YPEL1: variants seen among roughly 807,000 people sequenced by gnomAD.
YPEL1 encodes the protein yippee like 1.
In YPEL1, 7 loss-of-function variants were observed where a neutral mutation model predicts 17.3. The observed-to-expected ratio is 0.40, with a 90% CI of 0.23 to 0.76. The LOEUF (loss-of-function observed/expected upper bound fraction) is 0.76. Among genes scored for constraint, YPEL1 ranks in the 30% least tolerant of loss-of-function variants. The pLI, the probability that YPEL1 is intolerant of heterozygous loss-of-function variation, is 0.35. For missense variants in YPEL1, 91 were observed against 155.5 expected (o/e 0.59, Z 2.21); for synonymous variants, 59 against 59.6 (o/e 0.99, Z 0.05).
intron 1 of YPEL1, among the ~76,000 whole-genome samples, chr22:21,731,147 G>A (rs2148615994): frequency 6.6e-6 from 1 of 152,234 alleles, no homozygotes; most frequent in African/African-American, 2.4e-5. Flanking sequence ...AGAGGCCAAG[G>A]TGGGAGGATC....
chr22:21,714,948 T>C (rs1007729871), intron 1 of YPEL1, among the ~76,000 whole-genome samples: 2 of 152,214 alleles, frequency 1.3e-5, no homozygotes, highest in African/African-American at 2.4e-5. Context: ...GTAAGTGATA[T>C]ATTCTGAAAA....
In YPEL1 at chr22:21,703,504, C is replaced by T; in HGVS notation, c.162-26G>A. The T allele has an allele frequency of 6.3e-7, 1 of 1,590,800 alleles. No homozygotes were observed. The highest frequency in any genetic ancestry group is 8.6e-7 in the Non-Finnish European group (1 of 1,168,766). On this transcript the variant is annotated intron_variant, in intron 3 of 4. Coordinates refer to ENST00000339468, the MANE Select transcript of YPEL1 (RefSeq NM_013313.5). This position sits in a 1 kb window ranked among gnomAD's most constrained non-coding sequence, Gnocchi z 6.1. ...CTGCGGGGACAGAGGGGCCACTGCG[C>T]TGCAGGCCCGGCCCGCCCCTGACCA... is the stretch of plus-strand genomic sequence containing the variant.
chr22:21,702,797 C>T lies in YPEL1; in HGVS notation c.270+573G>A, dbSNP rs370720128. ...TTCAGGGCAGCGTAGAGGAGGGAAG[C>T]GGGGCAGGAAGGTGCAGGGCCTGAG... On this transcript the variant is annotated intron_variant, in intron 4 of 4. Transcript: ENST00000339468. Among the ~76,000 whole-genome samples the T allele has an allele frequency of 1.3e-4, 20 of 152,126 alleles. No homozygotes were observed. In the South Asian group the frequency reaches 2.1e-3, roughly 16 times the overall value.
At chr22:21,712,184 AAAT>A (rs2068172989) in intron 1 of YPEL1, among the ~76,000 whole-genome samples, 1 of 152,122 alleles carries the variant, frequency 6.6e-6, no homozygotes, top group South Asian at 2.1e-4. Flanking sequence ...CTAAATAAAT[AAAT>A]AAAAACTTTT....
At position 21,700,913 on chromosome 22, in the gene YPEL1, C is replaced by T. The variant is rs2068058680; in HGVS notation, c.*216G>A. On this transcript the variant is annotated 3_prime_UTR_variant, in exon 5 of 5. Transcript: ENST00000339468. ...CTAGAACTTGAGAAGTTAGAAAAAG[C>T]TCATTGAAAATTTTCAGAAACAACT... The T allele has an allele frequency of 2.3e-6, 1 of 430,360 alleles. No individual in the cohort carries two copies. Among genetic ancestry groups the T allele is most frequent in the Admixed American group, 3.9e-5 (1 of 25,776 alleles). The allele number at this position is 430,360 out of a possible 1,614,324, so 26.7% of individuals were successfully genotyped here.
intron 1 of YPEL1, among the ~76,000 whole-genome samples, chr22:21,734,475 T>C (rs2068418053): frequency 6.6e-6 from 1 of 152,206 alleles, no homozygotes; most frequent in Non-Finnish European, 1.5e-5. Context: ...AGAAGACTAT[T>C]GCTCAGATTG....
intron 1 of YPEL1, among the ~76,000 whole-genome samples, chr22:21,716,441 T>C (rs1174302183): frequency 6.6e-6 from 1 of 152,278 alleles, no homozygotes; most frequent in Non-Finnish European, 1.5e-5. Flanking sequence ...AAGCCGCTCT[T>C]GCCCTGAAAA....
intron 1 of YPEL1, among the ~76,000 whole-genome samples, chr22:21,726,114 G>A (rs948919428): frequency 1.3e-5 from 2 of 152,140 alleles, no homozygotes; most frequent in Admixed American, 6.5e-5. Context: ...CGTGGGGTGC[G>A]GGCAGCTGCA....
intron 1 of YPEL1, among the ~76,000 whole-genome samples, chr22:21,716,993 C>T (rs1160449552): frequency 6.6e-6 from 1 of 152,152 alleles, no homozygotes; most frequent in African/African-American, 2.4e-5. Flanking sequence ...GCATTCAGCC[C>T]AATGGGTTTA....
In YPEL1 at chr22:21,734,471, C is replaced by G. The variant is rs150738414; in HGVS notation, c.-165+1144G>C. On this transcript the variant is annotated intron_variant, in intron 1 of 4. Transcript: ENST00000339468. ...AATAAGAAGTTATTTTAAAAGAAGA[C>G]TATTGCTCAGATTGGTAATTAAGAG... is the stretch of plus-strand genomic sequence containing the variant. 2.6e-3 allele frequency among the ~76,000 whole-genome samples: 399 copies of G among 152,284 alleles called. 1 individual carries two copies. The highest frequency in any genetic ancestry group is 9.1e-3 in the African/African-American group (378 of 41,542).
intron 1 of YPEL1, among the ~76,000 whole-genome samples, chr22:21,712,085 G>A (rs1484967115): frequency 3.9e-5 from 6 of 151,990 alleles, no homozygotes; most frequent in African/African-American, 1.4e-4. Flanking sequence ...TGAGGTGGGA[G>A]GATGGCTTGA....
intron 1 of YPEL1, among the ~76,000 whole-genome samples, chr22:21,728,371 G>A (rs1321836425): frequency 2.6e-5 from 4 of 152,138 alleles, no homozygotes; most frequent in African/African-American, 4.8e-5. Flanking sequence ...AATGGACAAC[G>A]GATAAAACCA....
In YPEL1 at chr22:21,710,675, T is replaced by C; in HGVS notation, c.70A>G (p.Ile24Val). ...TTGGCCAGGTGTGCTCTGCAGTGGATACAGCTGTACGTTCGGTGACAGTTC... is the reference window on the plus strand; with the variant it reads ...TTGGCCAGGTGTGCTCTGCAGTGGACACAGCTGTACGTTCGGTGACAGTTC... ...LPNCHRTYSC[I>V]HCRAHLANHD... is the part of the protein sequence containing the mutation. Residue 24 changes from isoleucine (I) to valine (V), a missense_variant, in exon 2 of 5, where the codon ATC (isoleucine) becomes GTC (valine). Physicochemically the swap from Ile to Val is conservative, Grantham distance 29 (BLOSUM62 3). Coordinates refer to ENST00000339468, the MANE Select transcript of YPEL1 (RefSeq NM_013313.5). 6.2e-7 allele frequency: 1 copy of C among 1,614,260 alleles called. No homozygotes were observed.
In YPEL1 at chr22:21,698,569, G is replaced by T. The variant is rs1407762479; in HGVS notation, c.*2560C>A. ...TAGTCCCCGGGGCATCGGAGGCTGG[G>T]TTCCCACATGGGAGAGGAATGAAGA... is the stretch of plus-strand genomic sequence containing the variant. On this transcript the variant is annotated 3_prime_UTR_variant, in exon 5 of 5. Transcript: ENST00000339468. The T allele has an allele frequency of 6.6e-6, 1 of 152,374 alleles. No homozygotes were observed. The highest frequency in any genetic ancestry group is 6.5e-5 in the Admixed American group (1 of 15,280). 9.4% of individuals were successfully genotyped at this position (152,374 alleles called of 1,614,324 possible).
intron 1 of YPEL1, chr22:21,722,908 C>T (rs1392555711): frequency 6.6e-6 from 1 of 151,934 alleles, no homozygotes; most frequent in Non-Finnish European, 1.5e-5. Context: ...AAATATGCTG[C>T]CCAGGCTGGA....
At position 21,711,423 on chromosome 22, in the gene YPEL1, C is replaced by T. The variant is rs542809269; in HGVS notation, c.-164-515G>A. 1.3e-4 allele frequency among the ~76,000 whole-genome samples: 20 copies of T among 152,332 alleles called. No individual in the cohort carries two copies. In the South Asian group the frequency reaches 1.9e-3, roughly 14 times the overall value. On this transcript the variant is annotated intron_variant, in intron 1 of 4. Transcript: ENST00000339468. ...CATGAAAGGAGAGGCAGAACCAAGACGCCCGGTGAGTGGGCCCGGTGGCAG... is the reference window on the plus strand; with the variant it reads ...CATGAAAGGAGAGGCAGAACCAAGATGCCCGGTGAGTGGGCCCGGTGGCAG...
At chr22:21,711,040 T>C in intron 1 of YPEL1, 132 bp from the exon 2 acceptor site, 1 of 299,508 alleles carries the variant, frequency 3.3e-6, no homozygotes. Context: ...TTTTTTTTTT[T>C]TGAGATGGAG....
Position 21,703,911 on chromosome 22 carries a change from C to T in YPEL1, c.118-29G>A. ...AAAGAAGAAGGTCCCGTGAGATTGG[C>T]TGCGAGTGCTTTCTGGAACGAAGCG... On this transcript the variant is annotated intron_variant, in intron 2 of 4. Coordinates refer to ENST00000339468, the MANE Select transcript of YPEL1 (RefSeq NM_013313.5). This position sits in a 1 kb window ranked among gnomAD's most constrained non-coding sequence, Gnocchi z 6.1. 6.3e-7 allele frequency: 1 copy of T among 1,576,220 alleles called. No homozygotes were observed. Among genetic ancestry groups the T allele is most frequent in the Non-Finnish European group, 8.6e-7 (1 of 1,161,486 alleles).
chr22:21,716,887 G>A (rs1462302462), intron 1 of YPEL1, among the ~76,000 whole-genome samples: 1 of 152,196 alleles, frequency 6.6e-6, no homozygotes, highest in Non-Finnish European at 1.5e-5. Flanking sequence ...TACTCACGGA[G>A]GGAACCGATG....
Sources: allele counts gnomAD v4.1 joint callset (sites outside exome capture counted in the v4.1 genomes callset), GRCh38; gene constraint gnomAD v4.1.1; non-coding constraint Gnocchi (gnomAD v3.1); transcripts MANE v1.5; gene names NCBI Gene and HGNC (gene_info 2026-07-23, HGNC 2026-07-21).